Variants in ST8SIA4 observed in about 807,000 individuals in gnomAD.
ST8SIA4 encodes CMP-N-acetylneuraminate-poly-alpha-2,8-sialyltransferase.
Under a neutral mutation model 33.9 loss-of-function variants are expected in ST8SIA4, and 15 were observed. The ratio of observed to expected loss-of-function variants is 0.44; its 90% CI spans 0.30 to 0.68. The LOEUF (loss-of-function observed/expected upper bound fraction) is 0.68, where lower values mean the gene tolerates loss of function less well. Ranked by LOEUF, ST8SIA4 falls within the 30% of genes least tolerant of loss-of-function variation. ST8SIA4 has a pLI of 0.10. For synonymous variants in ST8SIA4, 171 were observed against 151.2 expected (o/e 1.13, Z -0.96); for missense variants, 321 against 428.0 (o/e 0.75, Z 2.21).
intron 3 of ST8SIA4, among the ~76,000 whole-genome samples, chr5:100,875,035 T>C (rs1752276016): frequency 6.6e-6 from 1 of 152,228 alleles, no homozygotes; most frequent in African/African-American, 2.4e-5. Flanking sequence ...ATAAAGATTC[T>C]ATCATTATTC....
chr5:100,822,681 T>G (rs922137662), intron 4 of ST8SIA4, among the ~76,000 whole-genome samples: 4 of 152,156 alleles, frequency 2.6e-5, no homozygotes, highest in Admixed American at 1.3e-4. Flanking sequence ...GTCAGAGGCA[T>G]TTGAAACAGA....
At chr5:100,813,972 G>C (rs1042317379) in intron 4 of ST8SIA4, among the ~76,000 whole-genome samples, 1 of 151,940 alleles carries the variant, frequency 6.6e-6, no homozygotes, top group African/African-American at 2.4e-5. Flanking sequence ...TGAGAAAAAT[G>C]CTGCTATATT....
intron 4 of ST8SIA4, among the ~76,000 whole-genome samples, chr5:100,819,262 G>T (rs1242715859): frequency 1.3e-5 from 2 of 152,202 alleles, no homozygotes; most frequent in Non-Finnish European, 2.9e-5. Context: ...TGGGTGTCGG[G>T]AGACAGTTCA....
intron 3 of ST8SIA4, among the ~76,000 whole-genome samples, chr5:100,869,564 T>G (rs554838954): frequency 6.6e-6 from 1 of 152,262 alleles, no homozygotes; most frequent in East Asian, 1.9e-4. Flanking sequence ...TTTATCTGTT[T>G]ATTATTATGG....
intron 3 of ST8SIA4, among the ~76,000 whole-genome samples, chr5:100,880,058 G>A (rs955387778): frequency 2.0e-5 from 3 of 152,014 alleles, no homozygotes; most frequent in Non-Finnish European, 4.4e-5. Context: ...GACCATGATA[G>A]AACACTTTTC....
intron 3 of ST8SIA4, among the ~76,000 whole-genome samples, chr5:100,882,953 G>A (rs1194698687): frequency 6.6e-6 from 1 of 152,228 alleles, no homozygotes; most frequent in East Asian, 1.9e-4. Context: ...CTCTGCAAGG[G>A]CAGTGTGGAA....
intron 2 of ST8SIA4, among the ~76,000 whole-genome samples, chr5:100,892,384 C>A (rs1342380937): frequency 1.3e-5 from 2 of 152,006 alleles, no homozygotes; most frequent in African/African-American, 4.8e-5. Context: ...ATTTTGAGTG[C>A]AAAGTTAGCT....
At chr5:100,848,567 A>C (rs1205869833) in intron 4 of ST8SIA4, among the ~76,000 whole-genome samples, 1 of 150,052 alleles carries the variant, frequency 6.7e-6, no homozygotes, top group Non-Finnish European at 1.5e-5. Context: ...ATAATATATT[A>C]ATATATATGT....
chr5:100,873,278 G>C (rs1752235252), intron 3 of ST8SIA4, among the ~76,000 whole-genome samples: 1 of 151,980 alleles, frequency 6.6e-6, no homozygotes, highest in Non-Finnish European at 1.5e-5. Flanking sequence ...AAATTAAAAA[G>C]GAGTAAATAG....
intron 2 of ST8SIA4, among the ~76,000 whole-genome samples, chr5:100,894,912 G>C (rs1306487484): frequency 1.3e-5 from 2 of 151,924 alleles, no homozygotes; most frequent in Non-Finnish European, 2.9e-5. Context: ...GTGAGTTCTT[G>C]TTTACTGAAA....
intron 4 of ST8SIA4, among the ~76,000 whole-genome samples, chr5:100,836,537 A>G (rs1189385047): frequency 6.6e-6 from 1 of 152,050 alleles, no homozygotes; most frequent in African/African-American, 2.4e-5. Flanking sequence ...GAAGGTTCAC[A>G]TGCTTTCTCA....
Position 100,810,403 on chromosome 5 carries a change from A to T in ST8SIA4, c.*1444T>A, listed in dbSNP as rs142817493. The T allele has an allele frequency of 1.5e-4, 23 of 152,290 alleles. 1 individual carries two copies. The East Asian group carries it at 4.4e-3, about 29-fold the overall frequency. The allele number at this position is 152,290 out of a possible 1,614,324, so 9.4% of individuals were successfully genotyped here. On this transcript the variant is annotated 3_prime_UTR_variant, in exon 5 of 5. Coordinates refer to ENST00000231461, the MANE Select transcript of ST8SIA4 (RefSeq NM_005668.6). ...TATTAATAATGTTATTTCTGCACTA[A>T]GAAATTTAACAGTAATATATAAAGC...
intron 4 of ST8SIA4, among the ~76,000 whole-genome samples, chr5:100,819,237 G>A (rs958497019): frequency 1.3e-5 from 2 of 152,198 alleles, no homozygotes; most frequent in Non-Finnish European, 2.9e-5. Context: ...GTTGGTGAAT[G>A]TTTAAAGCAG....
At chr5:100,822,232 A>T (rs185332161) in intron 4 of ST8SIA4, among the ~76,000 whole-genome samples, 2 of 152,310 alleles carry the variant, frequency 1.3e-5, no homozygotes, top group East Asian at 3.9e-4. Flanking sequence ...AACCATCGCT[A>T]ATTTTCCTCC....
intron 1 of ST8SIA4, among the ~76,000 whole-genome samples, chr5:100,899,561 G>C (rs962059999): frequency 6.6e-6 from 1 of 152,172 alleles, no homozygotes; most frequent in Non-Finnish European, 1.5e-5. Flanking sequence ...CAAATTATAA[G>C]AGAGATCTTT....
At chr5:100,864,423 A>G (rs1752017340) in intron 3 of ST8SIA4, among the ~76,000 whole-genome samples, 1 of 151,864 alleles carries the variant, frequency 6.6e-6, no homozygotes, top group Non-Finnish European at 1.5e-5. Context: ...AAACACAAAA[A>G]AATTAGCTGG....
chr5:100,829,686 G>T (rs911824181), intron 4 of ST8SIA4, among the ~76,000 whole-genome samples: 1 of 152,140 alleles, frequency 6.6e-6, no homozygotes, highest in Non-Finnish European at 1.5e-5. Flanking sequence ...GAAGCGGGTG[G>T]ATCACGAGGT....
At chr5:100,862,548 C>T (rs973842784) in intron 3 of ST8SIA4, among the ~76,000 whole-genome samples, 11 of 151,650 alleles carry the variant, frequency 7.3e-5, no homozygotes, top group Non-Finnish European at 1.6e-4. Context: ...ACAGGCGCCC[C>T]CCACCACCCC....
intron 3 of ST8SIA4, among the ~76,000 whole-genome samples, chr5:100,875,551 G>A (rs762956602): frequency 3.9e-5 from 6 of 152,124 alleles, no homozygotes; most frequent in Non-Finnish European, 8.8e-5. Context: ...TATTTTAAAT[G>A]TGGTATGTGT....
Sources: allele counts gnomAD v4.1 joint callset (sites outside exome capture counted in the v4.1 genomes callset), GRCh38; gene constraint gnomAD v4.1.1; transcripts MANE v1.5; gene names NCBI Gene and HGNC (gene_info 2026-07-23, HGNC 2026-07-21).